BAZ1A: variants seen among roughly 807,000 people sequenced by gnomAD.
BAZ1A encodes bromodomain adjacent to zinc finger domain protein 1A.
In BAZ1A, 50 loss-of-function variants were observed where a neutral mutation model predicts 185.2. That is an observed-to-expected ratio of 0.27 (90% CI 0.22 to 0.34). The LOEUF (loss-of-function observed/expected upper bound fraction) is 0.34, where lower values mean the gene tolerates loss of function less well. Among genes scored for constraint, BAZ1A ranks in the 10% least tolerant of loss-of-function variants. The pLI is 1.00. For missense variants in BAZ1A, 1,356 were observed against 1,839.9 expected (o/e 0.74, Z 4.81); for synonymous variants, 571 against 615.6 (o/e 0.93, Z 1.07).
intron 6 of BAZ1A, among the ~76,000 whole-genome samples, chr14:34,803,706 C>A (rs1881704189): frequency 6.6e-6 from 1 of 151,988 alleles, no homozygotes; most frequent in Non-Finnish European, 1.5e-5. Context: ...CTGTATTAAC[C>A]TGATAAATTT....
chr14:34,849,283 T>C (rs746598132), intron 3 of BAZ1A, among the ~76,000 whole-genome samples: 2 of 152,148 alleles, frequency 1.3e-5, no homozygotes, highest in African/African-American at 2.4e-5. Context: ...AGACTGTCTC[T>C]CAAAAGAGGG....
chr14:34,844,591 A>C (rs2042472638), intron 3 of BAZ1A, among the ~76,000 whole-genome samples: 1 of 151,608 alleles, frequency 6.6e-6, no homozygotes, highest in African/African-American at 2.4e-5. Flanking sequence ...AGCCTGGGCA[A>C]CGCAGGGAGA....
In BAZ1A at chr14:34,863,432, G is replaced by A. The variant is rs568016582; in HGVS notation, c.114-1110C>T. ...CCTGCCTCAACCTCCCAAAGTGCTG[G>A]GATTACAGGTGTGAGCCACCGCGCC... On this transcript the variant is annotated intron_variant, in intron 2 of 26. Coordinates refer to ENST00000360310, the MANE Select transcript of BAZ1A (RefSeq NM_013448.3). 1.7e-3 allele frequency among the ~76,000 whole-genome samples: 260 copies of A among 151,992 alleles called. 3 individuals are homozygous for A. The highest frequency in any genetic ancestry group is 6.1e-3 in the African/African-American group (254 of 41,434).
intron 6 of BAZ1A, among the ~76,000 whole-genome samples, chr14:34,805,615 TGGCTGC>T (rs1881812445): frequency 6.7e-6 from 1 of 149,814 alleles, no homozygotes; most frequent in Admixed American, 6.6e-5. Context: ...TCATTTAATA[TGGCTGC>T]CTGATAATGC....
At chr14:34,800,446 A>AT (rs2138653991) in intron 8 of BAZ1A, 56 bp from the exon 9 acceptor site, 3 of 1,317,522 alleles carry the variant, frequency 2.3e-6, no homozygotes, top group East Asian at 2.7e-5. Context: ...ACACTTGGCA[A>AT]TTTTTTTGAT....
intron 4 of BAZ1A, 117 bp from the exon 5 acceptor site, chr14:34,811,153 T>C: frequency 2.7e-6 from 2 of 751,182 alleles, no homozygotes; most frequent in Non-Finnish European, 4.1e-6. Flanking sequence ...AAAATTTTTT[T>C]TTGTTTTTGA....
chr14:34,832,878 T>C (rs2138733942), intron 3 of BAZ1A, among the ~76,000 whole-genome samples: 1 of 152,336 alleles, frequency 6.6e-6, no homozygotes, highest in African/African-American at 2.4e-5. Context: ...CTCATAGCAG[T>C]ATTATTCACA....
chr14:34,778,411 T>C (rs1053349027), intron 17 of BAZ1A, among the ~76,000 whole-genome samples: 1 of 152,236 alleles, frequency 6.6e-6, no homozygotes, highest in African/African-American at 2.4e-5. Flanking sequence ...TCAAATTGCT[T>C]TGATAGTTCG....
chr14:34,788,171 C>G (rs1197610293), intron 12 of BAZ1A, among the ~76,000 whole-genome samples: 1 of 152,092 alleles, frequency 6.6e-6, no homozygotes, highest in African/African-American at 2.4e-5. Flanking sequence ...GCACCCGCCA[C>G]CACGCCTGGC....
At chr14:34,795,579 G>A in intron 10 of BAZ1A, 91 bp downstream of exon 10, 1 of 807,000 alleles carries the variant, frequency 1.2e-6, no homozygotes, top group Non-Finnish European at 1.9e-6. Context: ...AAAGAGAAGA[G>A]GCTGCTATTA....
At chr14:34,762,609 T>C (rs941637663) in intron 23 of BAZ1A, among the ~76,000 whole-genome samples, 1 of 152,002 alleles carries the variant, frequency 6.6e-6, no homozygotes, top group Non-Finnish European at 1.5e-5. Context: ...CCTGAGTAGC[T>C]AGGTGTGTAC....
chr14:34,768,563 C>CA (rs1879003645), intron 21 of BAZ1A: 1 of 260,392 alleles, frequency 3.8e-6, no homozygotes, highest in Middle Eastern at 7.3e-4. Context: ...CATTCCCTTC[C>CA]AAAAAAATCA....
chr14:34,790,913 G>A (rs1302877814), intron 12 of BAZ1A, among the ~76,000 whole-genome samples: 4 of 151,966 alleles, frequency 2.6e-5, no homozygotes, highest in Non-Finnish European at 5.9e-5. Flanking sequence ...CCCTGAGGTC[G>A]GGAGTTCGAG....
At position 34,771,638 on chromosome 14, in the gene BAZ1A, T is replaced by G; in HGVS notation, c.3174A>C (p.Glu1058Asp). Residue 1058 changes from glutamate to aspartate, a missense_variant, in exon 21 of 27, where the codon GAA becomes GAC. Glu to Asp is a conservative substitution (Grantham distance 45). Around this residue, in one of 7 missense-constraint regions of BAZ1A, gnomAD observed 434 missense variants for 561.7 expected, o/e 0.77. Coordinates refer to ENST00000360310, the MANE Select transcript of BAZ1A (RefSeq NM_013448.3). ...CATTTGTTGATACAGTACTTGGAGT[T>G]TCTGTTTTTATCCCCAAAAGTCTAC... ...VKDRLLGIKTETPSTVSTNAS... is the reference protein window; with the variant it reads ...VKDRLLGIKTDTPSTVSTNAS... 6.2e-7 allele frequency: 1 copy of G among 1,613,172 alleles called. No homozygotes were observed. Among genetic ancestry groups the G allele is most frequent in the African/African-American group, 1.3e-5 (1 of 75,018 alleles).
intron 26 of BAZ1A, among the ~76,000 whole-genome samples, chr14:34,754,121 G>A (rs557907953): frequency 4.0e-5 from 6 of 150,768 alleles, no homozygotes; most frequent in Non-Finnish European, 5.9e-5. Context: ...GCGTGGTGGC[G>A]GGCATCTGTA....
At chr14:34,804,525 C>A (rs1442128774) in intron 6 of BAZ1A, among the ~76,000 whole-genome samples, 1 of 152,174 alleles carries the variant, frequency 6.6e-6, no homozygotes, top group East Asian at 1.9e-4. Context: ...AGGTAGAGCA[C>A]AGCTTTAAAC....
At chr14:34,773,161 C>T (rs1276334796) in intron 20 of BAZ1A, among the ~76,000 whole-genome samples, 1 of 152,186 alleles carries the variant, frequency 6.6e-6, no homozygotes, top group Admixed American at 6.5e-5. Context: ...CCTCCTGCTT[C>T]CGCCTCCCGA....
At chr14:34,800,740 TCC>T (rs1881479493) in intron 8 of BAZ1A, among the ~76,000 whole-genome samples, 1 of 152,168 alleles carries the variant, frequency 6.6e-6, no homozygotes, top group African/African-American at 2.4e-5. Context: ...TTTGACAAGA[TCC>T]CCAAGTGATT....
intron 12 of BAZ1A, among the ~76,000 whole-genome samples, chr14:34,790,990 C>T (rs530921352): frequency 1.6e-4 from 24 of 151,908 alleles, no homozygotes; most frequent in Non-Finnish European, 3.2e-4. Flanking sequence ...GGCATGGTGG[C>T]GCATACCTGT....
Sources: allele counts gnomAD v4.1 joint callset (sites outside exome capture counted in the v4.1 genomes callset), GRCh38; gene constraint gnomAD v4.1.1; regional missense constraint gnomAD v4.1.1; transcripts MANE v1.5; gene names NCBI Gene and HGNC (gene_info 2026-07-23, HGNC 2026-07-21).